The following SPAG16 variants were observed in gnomAD, a reference collection of about 807,000 sequenced individuals.
SPAG16 encodes sperm associated antigen 16, also known as sperm-associated antigen 16 protein.
A neutral mutation model predicts 80.4 loss-of-function variants in SPAG16; 86 were observed. That is an observed-to-expected ratio of 1.07 (90% CI 0.90 to 1.28). The LOEUF (loss-of-function observed/expected upper bound fraction) is 1.28, where lower values mean the gene tolerates loss of function less well. SPAG16 is among the 50% of genes most tolerant of loss of function. The probability of loss-of-function intolerance (pLI) is 0.00; values close to 1 mark genes in which losing one functional copy is unlikely to be tolerated. For synonymous variants in SPAG16, 294 were observed against 265.9 expected (o/e 1.11, Z -1.03); for missense variants, 870 against 765.3 (o/e 1.14, Z -1.61).
intron 15 of SPAG16, among the ~76,000 whole-genome samples, chr2:214,231,588 C>T (rs1559143584): frequency 6.6e-6 from 1 of 151,980 alleles, no homozygotes; most frequent in Non-Finnish European, 1.5e-5. Context: ...AAAAATACAT[C>T]ATCTATGCTA....
chr2:213,636,698 T>G (rs1426549118), intron 10 of SPAG16, among the ~76,000 whole-genome samples: 2 of 152,310 alleles, frequency 1.3e-5, no homozygotes, highest in East Asian at 1.9e-4. Context: ...TCCTAAGCTT[T>G]TTGTTTGTTT....
chr2:213,872,710 T>C (rs1219399851), intron 11 of SPAG16, among the ~76,000 whole-genome samples: 1 of 152,168 alleles, frequency 6.6e-6, no homozygotes, highest in Non-Finnish European at 1.5e-5. Context: ...TTAAGTATGA[T>C]GTTAGTTGTG....
chr2:214,145,106 A>AT (rs2055571944), intron 14 of SPAG16, among the ~76,000 whole-genome samples: 1 of 152,136 alleles, frequency 6.6e-6, no homozygotes, highest in South Asian at 2.1e-4. Context: ...TTTATAAAAT[A>AT]GTATTTTAAT....
At position 213,502,315 on chromosome 2, in the gene SPAG16, G is replaced by T. The variant is rs561466249; in HGVS notation, c.1070+12225G>T. Among the ~76,000 whole-genome samples, 11 of 152,122 alleles carry T rather than the reference G, an allele frequency of 7.2e-5. 1 individual carries two copies. Among genetic ancestry groups the T allele is most frequent in the African/African-American group, 2.7e-4 (11 of 41,498 alleles). On this transcript the variant is annotated intron_variant, in intron 10 of 15. Coordinates refer to ENST00000331683, the MANE Select transcript of SPAG16 (RefSeq NM_024532.5). ...AATTTTTTTTTTCTGTAGAGATGGG[G>T]TCTTGCCATGTTTCCCAGGCTGATC...
At chr2:214,150,010 A>G (rs1343254153) in intron 15 of SPAG16, among the ~76,000 whole-genome samples, 4 of 152,098 alleles carry the variant, frequency 2.6e-5, no homozygotes, top group African/African-American at 4.8e-5. Context: ...CTATTGTGAT[A>G]CATGTTTTAA....
At chr2:214,014,129 T>C in intron 13 of SPAG16, 52 bp downstream of exon 13, 1 of 1,599,494 alleles carries the variant, frequency 6.3e-7, no homozygotes, top group Non-Finnish European at 8.5e-7. Flanking sequence ...CTGATTACTC[T>C]CGGTCATTCT....
chr2:214,177,294 T>A (rs148476583), intron 15 of SPAG16, among the ~76,000 whole-genome samples: 4 of 151,304 alleles, frequency 2.6e-5, no homozygotes, highest in African/African-American at 9.6e-5. Context: ...CATTACCAAA[T>A]GTATCTATTT....
chr2:213,966,036 G>A (rs183819784), intron 12 of SPAG16, among the ~76,000 whole-genome samples: 1 of 152,312 alleles, frequency 6.6e-6, no homozygotes, highest in Admixed American at 6.5e-5. Context: ...GAGAAAGGAA[G>A]CCTGAGATCT....
At chr2:213,289,987 T>C (rs2062204493) in intron 1 of SPAG16, among the ~76,000 whole-genome samples, 1 of 152,204 alleles carries the variant, frequency 6.6e-6, no homozygotes, top group Admixed American at 6.5e-5. Flanking sequence ...CTCCCCCTCA[T>C]ACCAATTGGC....
chr2:213,680,393 G>A (rs1375343029), intron 10 of SPAG16, among the ~76,000 whole-genome samples: 2 of 150,408 alleles, frequency 1.3e-5, no homozygotes, highest in Non-Finnish European at 2.9e-5. Context: ...TGACTCCTGT[G>A]TTGTCTTTAC....
intron 10 of SPAG16, among the ~76,000 whole-genome samples, chr2:213,702,889 A>C (rs2065544171): frequency 6.6e-6 from 1 of 152,134 alleles, no homozygotes; most frequent in African/African-American, 2.4e-5. Context: ...TAGCACTCAG[A>C]CCCAAGGAGG....
chr2:213,382,416 A>G (rs1054512853), intron 9 of SPAG16, among the ~76,000 whole-genome samples: 7 of 152,172 alleles, frequency 4.6e-5, no homozygotes, highest in African/African-American at 1.7e-4. Context: ...CAAGGTGAAC[A>G]TGCCTTTTCT....
intron 7 of SPAG16, among the ~76,000 whole-genome samples, chr2:213,353,645 G>A (rs566599480): frequency 6.6e-4 from 101 of 152,240 alleles, no homozygotes; most frequent in African/African-American, 2.4e-3. Flanking sequence ...GGTAGATAAA[G>A]TAGGACTCAT....
At chr2:213,459,934 A>T (rs192368393) in intron 9 of SPAG16, among the ~76,000 whole-genome samples, 1 of 152,338 alleles carries the variant, frequency 6.6e-6, no homozygotes, top group African/African-American at 2.4e-5. Flanking sequence ...CATTTCTGTA[A>T]TTGTGTGTAG....
At chr2:214,143,103 G>T (rs891341717) in intron 14 of SPAG16, among the ~76,000 whole-genome samples, 1 of 152,050 alleles carries the variant, frequency 6.6e-6, no homozygotes, top group East Asian at 1.9e-4. Context: ...TGACTCTAAA[G>T]CCACATGGCC....
intron 15 of SPAG16, among the ~76,000 whole-genome samples, chr2:214,171,513 A>C (rs914595847): frequency 7.9e-5 from 12 of 152,012 alleles, no homozygotes; most frequent in African/African-American, 2.7e-4. Context: ...GACTCTAGTC[A>C]TTATCATTAC....
chr2:213,454,829 G>A (rs900787571), intron 9 of SPAG16, among the ~76,000 whole-genome samples: 7 of 152,120 alleles, frequency 4.6e-5, no homozygotes, highest in Non-Finnish European at 7.4e-5. Context: ...GTCAGTTTAC[G>A]TTATTGTCTT....
chr2:213,857,086 C>T (rs1440219559), intron 10 of SPAG16, among the ~76,000 whole-genome samples: 1 of 152,052 alleles, frequency 6.6e-6, no homozygotes. Flanking sequence ...AAAAACTAGC[C>T]AGGCATGGTG....
chr2:213,553,695 A>AG (rs1423858549), intron 10 of SPAG16, among the ~76,000 whole-genome samples: 1 of 152,126 alleles, frequency 6.6e-6, no homozygotes, highest in Non-Finnish European at 1.5e-5. Context: ...TGACTACAAT[A>AG]GGCGTGATCA....
Sources: allele counts gnomAD v4.1 joint callset (sites outside exome capture counted in the v4.1 genomes callset), GRCh38; gene constraint gnomAD v4.1.1; transcripts MANE v1.5; gene names NCBI Gene and HGNC (gene_info 2026-07-23, HGNC 2026-07-21).